MAOB: variants seen among roughly 807,000 people sequenced by gnomAD.
MAOB encodes monoamine oxidase B, also known as amine oxidase [flavin-containing] B.
MAOB carries 15 observed loss-of-function variants against 41.9 expected under a neutral mutation model. That is an observed-to-expected ratio of 0.36 (90% CI 0.24 to 0.55). The LOEUF (loss-of-function observed/expected upper bound fraction) is 0.55. Ranked by LOEUF, MAOB falls within the 20% of genes least tolerant of loss-of-function variation. The probability of loss-of-function intolerance (pLI) is 0.86; values close to 1 mark genes in which losing one functional copy is unlikely to be tolerated. For synonymous variants in MAOB, 167 were observed against 144.2 expected (o/e 1.16, Z -1.13); for missense variants, 345 against 398.7 (o/e 0.87, Z 1.15).
chrX:43,844,061 C>T (rs2035172424), intron 1 of MAOB: 1 of 360,918 alleles, frequency 2.8e-6, no homozygotes, highest in Non-Finnish European at 3.8e-6. Flanking sequence ...AATGAGAACA[C>T]AAGGCCATGC....
chrX:43,784,199 T>C (rs1166269292), intron 8 of MAOB, among the ~76,000 whole-genome samples: 3 of 112,564 alleles, frequency 2.7e-5, no homozygotes, highest in African/African-American at 9.7e-5. Flanking sequence ...CTGTTAATGT[T>C]GATGTATTGA....
chrX:43,860,579 G>A (rs1305796368), intron 1 of MAOB, among the ~76,000 whole-genome samples: 1 of 111,330 alleles, frequency 9.0e-6, no homozygotes, highest in East Asian at 2.8e-4. Context: ...CTTTTTTGGG[G>A]ACTACTGCAA....
intron 3 of MAOB, among the ~76,000 whole-genome samples, chrX:43,830,999 G>A (rs1038184469): frequency 5.5e-5 from 4 of 72,723 alleles, no homozygotes; most frequent in African/African-American, 2.5e-4. Context: ...GATTAAGTGT[G>A]TGTGTGTGTG....
Position 43,803,415 on chromosome X carries a change from C to T in MAOB, c.280-11G>A. 8.6e-7 allele frequency: 1 copy of T among 1,164,276 alleles called. No individual in the cohort carries two copies. The highest frequency in any genetic ancestry group is 2.4e-4 in the Middle Eastern group (1 of 4,232). On this transcript the variant is annotated splice_polypyrimidine_tract_variant and intron_variant, in intron 3 of 14. Coordinates refer to ENST00000378069, the MANE Select transcript of MAOB (RefSeq NM_000898.5). ...GGGGTATGATTTGCCCTGTGAGATA[C>T]AAGATATTTTTAAAAGGAAATATTT...
intron 3 of MAOB, among the ~76,000 whole-genome samples, chrX:43,826,719 A>G (rs891538864): frequency 1.8e-5 from 2 of 111,431 alleles, no homozygotes; most frequent in African/African-American, 3.3e-5. Context: ...GAAAGGGGCC[A>G]AACTCATCCT....
intron 1 of MAOB, among the ~76,000 whole-genome samples, chrX:43,848,711 G>A (rs1278467499): frequency 9.0e-6 from 1 of 111,556 alleles, no homozygotes; most frequent in Non-Finnish European, 1.9e-5. Flanking sequence ...GCACCACTAC[G>A]CCCGGCTAAG....
chrX:43,801,946 A>G (rs2034599693), intron 5 of MAOB, among the ~76,000 whole-genome samples: 1 of 112,977 alleles, frequency 8.9e-6, no homozygotes, highest in Admixed American at 9.3e-5. Context: ...TGAGGACTTC[A>G]CAGGGTAATA....
At chrX:43,773,284 A>G (rs990401121) in intron 12 of MAOB, among the ~76,000 whole-genome samples, 2 of 112,128 alleles carry the variant, frequency 1.8e-5, no homozygotes, top group South Asian at 7.5e-4. Context: ...CCCCTGTATT[A>G]GAGCATTTAC....
At chrX:43,791,941 G>A (rs2034468493) in intron 8 of MAOB, among the ~76,000 whole-genome samples, 1 of 111,817 alleles carries the variant, frequency 8.9e-6, no homozygotes, top group Non-Finnish European at 1.9e-5. Context: ...GCCCAATTGA[G>A]TAGTACACTT....
intron 1 of MAOB, among the ~76,000 whole-genome samples, chrX:43,845,546 A>G (rs2035191537): frequency 8.9e-6 from 1 of 112,166 alleles, no homozygotes; most frequent in Admixed American, 9.5e-5. Context: ...CCAAGGTCGC[A>G]TAAGGAGTAG....
intron 8 of MAOB, among the ~76,000 whole-genome samples, chrX:43,782,533 C>G (rs1017977192): frequency 1.8e-5 from 2 of 111,406 alleles, no homozygotes; most frequent in Non-Finnish European, 3.8e-5. Flanking sequence ...CAAGACCAGA[C>G]GGATTCACAG....
intron 1 of MAOB, among the ~76,000 whole-genome samples, chrX:43,863,255 C>T (rs1276223683): frequency 8.9e-6 from 1 of 112,092 alleles, no homozygotes; most frequent in Admixed American, 9.5e-5. Flanking sequence ...TAACAACACA[C>T]ACACATAATA....
At chrX:43,843,862 G>T (rs772609517) in intron 1 of MAOB, 98 bp from the exon 2 acceptor site, 2 of 1,100,195 alleles carry the variant, frequency 1.8e-6, no homozygotes, top group Non-Finnish European at 2.4e-6. Flanking sequence ...GCTGGCTCAC[G>T]TGCACCGCCT....
chrX:43,788,187 G>C (rs2034423329), intron 8 of MAOB, among the ~76,000 whole-genome samples: 1 of 110,898 alleles, frequency 9.0e-6, no homozygotes, highest in African/African-American at 3.3e-5. Flanking sequence ...AGAGGGGAGG[G>C]AAGTGCCAGG....
At chrX:43,832,442 C>A (rs909184586) in intron 3 of MAOB, among the ~76,000 whole-genome samples, 4 of 111,484 alleles carry the variant, frequency 3.6e-5, no homozygotes, top group African/African-American at 6.5e-5. Context: ...GGATTTTTTT[C>A]TGCCTCTGCC....
intron 10 of MAOB, among the ~76,000 whole-genome samples, chrX:43,779,025 C>A (rs1335827877): frequency 1.8e-5 from 2 of 111,445 alleles, no homozygotes; most frequent in Non-Finnish European, 3.8e-5. Flanking sequence ...AATCCAGGAG[C>A]CCTTTTGTTT....
At position 43,767,516 on chromosome X, in the gene MAOB, T is replaced by C. The variant is rs780779587; in HGVS notation, c.1513A>G (p.Thr505Ala). Reference sequence around the variant, plus strand: ...TTGTGGGCCAGGAAGCCAAGAGCCGTTGCTGAAAAGATGGTGGTCAATCCA... The same window carrying C: ...TTGTGGGCCAGGAAGCCAAGAGCCGCTGCTGAAAAGATGGTGGTCAATCCA... The part of the protein sequence containing the change: ...LIGLTTIFSA[T>A]ALGFLAHKRG... Residue 505 changes from threonine (T) to alanine (A), a missense_variant, in exon 15 of 15, where the codon ACG (threonine) becomes GCG (alanine). Physicochemically the swap from Thr to Ala is moderately conservative, Grantham distance 58. Coordinates refer to ENST00000378069, the MANE Select transcript of MAOB (RefSeq NM_000898.5). 8.3e-7 allele frequency: 1 copy of C among 1,211,030 alleles called. No individual in the cohort carries two copies. Among genetic ancestry groups the C allele is most frequent in the East Asian group, 3.0e-5 (1 of 33,804 alleles).
chrX:43,842,115 TAATAAAATGA>T (rs2035144074), intron 2 of MAOB, among the ~76,000 whole-genome samples: 4 of 111,860 alleles, frequency 3.6e-5, no homozygotes, highest in Non-Finnish European at 5.7e-5. Flanking sequence ...AAAGAACAAT[TAATAAAATGA>T]TAGTTTTCTT....
chrX:43,777,399 G>T (rs2034273602), intron 11 of MAOB, among the ~76,000 whole-genome samples: 1 of 109,063 alleles, frequency 9.2e-6, no homozygotes, highest in African/African-American at 3.3e-5. Flanking sequence ...AAAAAAAAAA[G>T]CAAAACATAT....
Sources: gnomAD v4.1 joint callset for allele counts (sites outside exome capture counted in the v4.1 genomes callset) on GRCh38, gnomAD v4.1.1 for gene constraint, MANE v1.5 for transcripts, NCBI Gene and HGNC (gene_info 2026-07-23, HGNC 2026-07-21) for gene names.